Variants in RTF2 observed in about 807,000 individuals in gnomAD.
RTF2 encodes UPF0549 protein C20orf43.
RTF2 carries 18 observed loss-of-function variants against 38.0 expected under a neutral mutation model. That is an observed-to-expected ratio of 0.47 (90% CI 0.33 to 0.70). RTF2 has a LOEUF of 0.70. RTF2 is among the 30% of genes least tolerant of loss of function. The pLI is 0.02. For missense variants in RTF2, 311 were observed against 379.6 expected, an observed-to-expected ratio of 0.82 and a Z score of 1.50; for synonymous variants, 126 against 137.1, an observed-to-expected ratio of 0.92 and a Z score of 0.57.
intron 5 of RTF2, among the ~76,000 whole-genome samples, chr20:56,505,526 G>T (rs1340012652): frequency 3.7e-5 from 3 of 81,346 alleles, no homozygotes; most frequent in African/African-American, 5.2e-5. Flanking sequence ...TATTTGCCCT[G>T]TGGGTGCACC....
intron 5 of RTF2, among the ~76,000 whole-genome samples, chr20:56,499,261 A>G (rs1455660342): frequency 7.1e-6 from 1 of 141,302 alleles, no homozygotes; most frequent in African/African-American, 2.7e-5. Flanking sequence ...CAATGGTGCG[A>G]TCTCGGCTCA....
At chr20:56,495,584 C>A (rs940637552) in intron 5 of RTF2, among the ~76,000 whole-genome samples, 1 of 152,198 alleles carries the variant, frequency 6.6e-6, no homozygotes, top group East Asian at 1.9e-4. Context: ...CTTTCTCCAC[C>A]CCTTGTTACT....
intron 6 of RTF2, 78 bp from the exon 7 acceptor site, chr20:56,516,857 G>T: frequency 7.3e-7 from 1 of 1,371,610 alleles, no homozygotes; most frequent in Non-Finnish European, 1.0e-6. Context: ...CAGGGCACCC[G>T]GGACAATGGG....
At chr20:56,471,419 G>A (rs1052194326) in intron 1 of RTF2, among the ~76,000 whole-genome samples, 1 of 151,936 alleles carries the variant, frequency 6.6e-6, no homozygotes, top group Non-Finnish European at 1.5e-5. Flanking sequence ...ATACAAAAAA[G>A]TTGCCGGGCA....
At chr20:56,496,748 C>T (rs1983567597) in intron 5 of RTF2, 2 of 1,552,174 alleles carry the variant, frequency 1.3e-6, no homozygotes, top group Non-Finnish European at 1.7e-6. Context: ...ACTCTACAAA[C>T]TTCCTTGTAA....
At chr20:56,505,487 C>CATAATAATAATA (rs60767194) in intron 5 of RTF2, among the ~76,000 whole-genome samples, 37,872 of 139,286 alleles carry the variant, frequency 0.27, 6,132 homozygotes, top group African/African-American at 0.44. Flanking sequence ...GATGCCATCT[C>CATAATAATAATA]ATAATAATAA....
At chr20:56,483,470 C>G (rs1982626750) in intron 4 of RTF2, among the ~76,000 whole-genome samples, 1 of 152,034 alleles carries the variant, frequency 6.6e-6, no homozygotes, top group African/African-American at 2.4e-5. Context: ...CTGCAGGGAC[C>G]CACCATCACA....
chr20:56,496,683 C>T (rs976580600), intron 5 of RTF2: 25 of 1,546,578 alleles, frequency 1.6e-5, no homozygotes, highest in Middle Eastern at 1.7e-4. Flanking sequence ...CTCTGGGCTG[C>T]GGATGTCTTT....
intron 5 of RTF2, chr20:56,497,494 G>A (rs887012649): frequency 6.7e-7 from 1 of 1,490,420 alleles, no homozygotes; most frequent in African/African-American, 1.4e-5. Flanking sequence ...ACTTCTGGTT[G>A]GGCAGGTTCT....
At chr20:56,508,085 A>G (rs1984399208) in intron 5 of RTF2, among the ~76,000 whole-genome samples, 1 of 152,180 alleles carries the variant, frequency 6.6e-6, no homozygotes, top group Admixed American at 6.5e-5. Flanking sequence ...CACCACCCTC[A>G]GGGATTTGTG....
At chr20:56,489,180 C>T (rs552671029) in intron 5 of RTF2, among the ~76,000 whole-genome samples, 10 of 151,402 alleles carry the variant, frequency 6.6e-5, no homozygotes, top group Middle Eastern at 6.8e-3. Flanking sequence ...CTTAGCCACC[C>T]GAGTAGCTGG....
intron 4 of RTF2, among the ~76,000 whole-genome samples, chr20:56,478,751 A>T (rs187744991): frequency 1.8e-3 from 277 of 152,226 alleles, no homozygotes; most frequent in African/African-American, 6.4e-3. Context: ...CAGCAATAGA[A>T]TTTGCTGCAT....
At chr20:56,474,308 C>T (rs1247987649) in intron 2 of RTF2, among the ~76,000 whole-genome samples, 1 of 152,108 alleles carries the variant, frequency 6.6e-6, no homozygotes, top group Non-Finnish European at 1.5e-5. Flanking sequence ...TGGTGAAACC[C>T]TGTCTCTACT....
At chr20:56,484,086 T>G (rs1377103965) in intron 4 of RTF2, 25 bp from the exon 5 acceptor site, 1 of 1,605,118 alleles carries the variant, frequency 6.2e-7, no homozygotes, top group East Asian at 2.2e-5. Flanking sequence ...AATACAGTCC[T>G]TCCCCCACTG....
At chr20:56,513,565 T>A in intron 6 of RTF2, 137 bp downstream of exon 6, 1 of 1,086,734 alleles carries the variant, frequency 9.2e-7, no homozygotes, top group Non-Finnish European at 1.3e-6. Flanking sequence ...GCCTGGACTG[T>A]AGAAGCAGAT....
rs1985072149 is a variant in RTF2, at chr20:56,516,847, CA to C, written c.592-87del. 3.3e-6 allele frequency: 4 copies of C among 1,226,230 alleles called. No homozygotes were observed. The South Asian group carries it at 3.7e-5, about 11-fold the overall frequency. 76.0% of individuals were successfully genotyped at this position (1,226,230 alleles called of 1,614,324 possible). On this transcript the variant is annotated intron_variant, in intron 6 of 8. Transcript: ENST00000357348. The stretch of plus-strand genomic sequence containing the variant: ...ATGTGACTAGCATCGGTCAGTCAGA[CA>C]GGGCACCCGGGACAATGGGCAGCCA...
intron 1 of RTF2, chr20:56,470,774 TG>T (rs1981918745): frequency 2.4e-6 from 1 of 421,934 alleles, no homozygotes; most frequent in South Asian, 1.6e-5. Flanking sequence ...TAAAGATCCC[TG>T]AAGTTGAGGG....
chr20:56,468,681 C>G lies in RTF2; in HGVS notation c.-17C>G, dbSNP rs200557227. 1.7e-5 allele frequency: 26 copies of G among 1,566,638 alleles called. No homozygotes were observed. The African/African-American group carries it at 2.4e-4, about 15-fold the overall frequency. ...CAGCTTTGGGGGTTTGCTGCTGGCT[C>G]TGACTCCCGTCCTGCGATGGGTTGC... On this transcript the variant is annotated 5_prime_UTR_variant, in exon 1 of 9. Transcript: ENST00000357348.
chr20:56,515,286 G>A (rs2146381158), intron 6 of RTF2, among the ~76,000 whole-genome samples: 1 of 152,084 alleles, frequency 6.6e-6, no homozygotes, highest in Non-Finnish European at 1.5e-5. Flanking sequence ...AAACACAAAA[G>A]GGCAGCCGGG....
Sources: allele counts gnomAD v4.1 joint callset (sites outside exome capture counted in the v4.1 genomes callset), GRCh38; gene constraint gnomAD v4.1.1; transcripts MANE v1.5; gene names NCBI Gene and HGNC (gene_info 2026-07-23, HGNC 2026-07-21).